The following MACROD2 variants were observed in gnomAD, a reference collection of about 807,000 sequenced individuals.
MACROD2 encodes the protein mono-ADP ribosylhydrolase 2.
Under a neutral mutation model 70.4 loss-of-function variants are expected in MACROD2, and 36 were observed. That is an observed-to-expected ratio of 0.51 (90% CI 0.39 to 0.68). The LOEUF (loss-of-function observed/expected upper bound fraction) is 0.68. MACROD2 is among the 30% of genes least tolerant of loss of function. MACROD2 has a pLI of 0.00. For synonymous variants in MACROD2, 172 were observed against 178.8 expected (o/e 0.96, Z 0.30); for missense variants, 496 against 538.4 (o/e 0.92, Z 0.78).
intron 4 of MACROD2, among the ~76,000 whole-genome samples, chr20:14,635,485 T>A (rs1048919670): frequency 6.6e-6 from 1 of 152,202 alleles, no homozygotes; most frequent in Admixed American, 6.5e-5. Context: ...AAAAAGAATG[T>A]CCATCACAAT....
intron 8 of MACROD2, among the ~76,000 whole-genome samples, chr20:15,583,582 C>A (rs796951321): frequency 3.3e-5 from 5 of 152,272 alleles, no homozygotes; most frequent in African/African-American, 1.2e-4. Flanking sequence ...TCCTGAGAAC[C>A]CTAGGGCTCC....
intron 6 of MACROD2, among the ~76,000 whole-genome samples, chr20:15,361,618 T>C (rs1600293550): frequency 6.6e-6 from 1 of 152,228 alleles, no homozygotes. Flanking sequence ...TTTATTGGAA[T>C]TGTGTTAAAC....
intron 5 of MACROD2, among the ~76,000 whole-genome samples, chr20:15,071,976 AG>A (rs1375071541): frequency 6.6e-6 from 1 of 152,080 alleles, no homozygotes; most frequent in African/African-American, 2.4e-5. Flanking sequence ...AAATTTTTTA[AG>A]GGGGAAATGT....
intron 5 of MACROD2, among the ~76,000 whole-genome samples, chr20:14,963,755 A>G (rs1351201507): frequency 6.6e-6 from 1 of 152,216 alleles, no homozygotes; most frequent in Non-Finnish European, 1.5e-5. Flanking sequence ...AAAGTTCTTC[A>G]TGTAGATTCA....
chr20:15,708,274 A>G (rs1308833335), intron 8 of MACROD2, among the ~76,000 whole-genome samples: 1 of 152,156 alleles, frequency 6.6e-6, no homozygotes, highest in Non-Finnish European at 1.5e-5. Context: ...TACCCATAGT[A>G]AAAAGCAAAT....
chr20:15,064,393 G>A (rs968659483), intron 5 of MACROD2, among the ~76,000 whole-genome samples: 3 of 152,126 alleles, frequency 2.0e-5, no homozygotes, highest in African/African-American at 7.2e-5. Flanking sequence ...AAATCACTGA[G>A]CCTGTTGACT....
At chr20:14,727,960 A>G (rs982075501) in intron 5 of MACROD2, among the ~76,000 whole-genome samples, 2 of 152,146 alleles carry the variant, frequency 1.3e-5, no homozygotes, top group African/African-American at 4.8e-5. Context: ...ATAGCCCATG[A>G]ATTTCAAGAA....
At chr20:14,189,512 G>A (rs1042482277) in intron 3 of MACROD2, among the ~76,000 whole-genome samples, 19 of 152,196 alleles carry the variant, frequency 1.2e-4, no homozygotes, top group Non-Finnish European at 2.6e-4. Context: ...TCTCAGATGA[G>A]GTTTAAATTA....
In MACROD2 at chr20:15,921,851, A is replaced by G. The variant is rs558258930; in HGVS notation, c.776-11425A>G. 1.4e-4 allele frequency among the ~76,000 whole-genome samples: 22 copies of G among 152,354 alleles called. No individual in the cohort carries two copies. The South Asian group carries it at 3.9e-3, about 27-fold the overall frequency. On this transcript the variant is annotated intron_variant, in intron 10 of 17. Coordinates refer to ENST00000684519, the MANE Select transcript of MACROD2 (RefSeq NM_001351661.2). ...AAGGGGAGGAAACAAAAACAGGTGC[A>G]TGAACAAGTAGATTGTCCTGTGGGC...
intron 8 of MACROD2, 131 bp downstream of exon 8, chr20:15,499,978 C>T: frequency 1.3e-6 from 1 of 765,078 alleles, no homozygotes; most frequent in Non-Finnish European, 2.2e-6. Context: ...GCTGACCATT[C>T]TTCACTTGGG....
intron 3 of MACROD2, among the ~76,000 whole-genome samples, chr20:14,454,248 A>G (rs907103137): frequency 6.6e-6 from 1 of 151,752 alleles, no homozygotes; most frequent in Non-Finnish European, 1.5e-5. Flanking sequence ...CTGTTCATTT[A>G]TCTATTAGTT....
intron 3 of MACROD2, among the ~76,000 whole-genome samples, chr20:14,394,231 T>C (rs2083557877): frequency 6.6e-6 from 1 of 152,222 alleles, no homozygotes; most frequent in East Asian, 1.9e-4. Context: ...TTATCAAGCC[T>C]TTCAACCCAT....
chr20:15,843,409 C>A (rs1441454535), intron 8 of MACROD2, among the ~76,000 whole-genome samples: 3 of 152,102 alleles, frequency 2.0e-5, no homozygotes, highest in Admixed American at 2.0e-4. Flanking sequence ...CGTGTGTTGA[C>A]AGTTATGTTA....
chr20:14,950,788 C>A (rs1322144274), intron 5 of MACROD2, among the ~76,000 whole-genome samples: 1 of 152,102 alleles, frequency 6.6e-6, no homozygotes, highest in East Asian at 1.9e-4. Context: ...TGTTGCAGGG[C>A]TTGTTTTAGG....
chr20:14,681,995 C>T (rs1402742521), intron 4 of MACROD2, among the ~76,000 whole-genome samples: 1 of 152,012 alleles, frequency 6.6e-6, no homozygotes. Flanking sequence ...GTGCAGTGCC[C>T]AGCACATTGA....
chr20:14,508,679 G>A (rs914975039), intron 4 of MACROD2, among the ~76,000 whole-genome samples: 6 of 152,160 alleles, frequency 3.9e-5, no homozygotes, highest in Non-Finnish European at 7.4e-5. Flanking sequence ...CCTTGCTCTT[G>A]TGAAGTTGGC....
At chr20:15,421,239 G>A (rs1307867435) in intron 6 of MACROD2, among the ~76,000 whole-genome samples, 1 of 152,086 alleles carries the variant, frequency 6.6e-6, no homozygotes, top group Non-Finnish European at 1.5e-5. Flanking sequence ...TTAACCAGGT[G>A]TGGTGGCATG....
At chr20:14,271,245 A>T (rs1208492489) in intron 3 of MACROD2, among the ~76,000 whole-genome samples, 1 of 152,160 alleles carries the variant, frequency 6.6e-6, no homozygotes, top group Non-Finnish European at 1.5e-5. Context: ...GGCACCCCCC[A>T]GTAGGGGCAG....
chr20:14,568,594 A>C (rs1467762598), intron 4 of MACROD2, among the ~76,000 whole-genome samples: 2 of 152,076 alleles, frequency 1.3e-5, no homozygotes, highest in Admixed American at 1.3e-4. Flanking sequence ...GCAGCTTAGA[A>C]GAAAGGTGTT....
Sources: gnomAD v4.1 joint callset for allele counts (sites outside exome capture counted in the v4.1 genomes callset) on GRCh38, gnomAD v4.1.1 for gene constraint, MANE v1.5 for transcripts, NCBI Gene and HGNC (gene_info 2026-07-23, HGNC 2026-07-21) for gene names.